Variants in ATG7 observed in about 807,000 individuals in gnomAD.
The protein encoded by ATG7 is autophagy related 7.
In ATG7, 70 loss-of-function variants were observed where a neutral mutation model predicts 82.4. The ratio of observed to expected loss-of-function variants is 0.85; its 90% confidence interval spans 0.70 to 1.04. The LOEUF (loss-of-function observed/expected upper bound fraction) is 1.04, where lower values mean the gene tolerates loss of function less well. ATG7 is among the 50% of genes least tolerant of loss of function. The probability of loss-of-function intolerance (pLI) is 0.00; values close to 1 mark genes in which losing one functional copy is unlikely to be tolerated. For missense variants in ATG7, 792 were observed against 864.3 expected (o/e 0.92, Z 1.05); for synonymous variants, 287 against 313.0 (o/e 0.92, Z 0.88).
chr3:11,336,972 C>T (rs1559420793), intron 11 of ATG7, among the ~76,000 whole-genome samples: 2 of 152,118 alleles, frequency 1.3e-5, no homozygotes, highest in Non-Finnish European at 2.9e-5. Context: ...CTTGCGCAGT[C>T]GAGGAGTATT....
chr3:11,363,554 C>T (rs1437622127), intron 17 of ATG7, among the ~76,000 whole-genome samples: 2 of 152,160 alleles, frequency 1.3e-5, no homozygotes, highest in African/African-American at 4.8e-5. Flanking sequence ...ACCCGGCCTC[C>T]TTTAATCTTC....
intron 6 of ATG7, among the ~76,000 whole-genome samples, chr3:11,308,172 C>T (rs1319152033): frequency 6.6e-6 from 1 of 152,216 alleles, no homozygotes; most frequent in African/African-American, 2.4e-5. Context: ...GAACTTACTT[C>T]TGCTTACTTA....
chr3:11,378,758 A>G (rs913772945), intron 18 of ATG7, among the ~76,000 whole-genome samples: 2 of 150,850 alleles, frequency 1.3e-5, no homozygotes, highest in Non-Finnish European at 2.9e-5. Context: ...AGAGAGAAGT[A>G]TGCACAAACA....
rs563140155 is a variant in ATG7 at position 11,480,593 on chromosome 3, C to T, written c.2079+53667C>T. On this transcript the variant is annotated intron_variant, in intron 20 of 20. Coordinates refer to ENST00000693202, the MANE Select transcript of ATG7 (RefSeq NM_001349232.2). ...TCAAGAAACAGACAAAAAAACCTTA[C>T]AATCTGTGCTCACTGGTTTCCTCGA... is the stretch of plus-strand genomic sequence containing the variant. Among the ~76,000 whole-genome samples the T allele has an allele frequency of 2.0e-5, 3 of 152,272 alleles. No individual in the cohort carries two copies. The South Asian group carries it at 6.2e-4, about 32-fold the overall frequency.
At position 11,554,957 on chromosome 3, in the gene ATG7, C is replaced by G; in HGVS notation, c.*114C>G. ...TGATTCTGGGCCCCTCCTCCATACC[C>G]CGAGGTCTGGGATTCCCCCCTCTGC... On this transcript the variant is annotated 3_prime_UTR_variant, in exon 21 of 21. Transcript: ENST00000693202. The G allele has an allele frequency of 7.4e-7, 1 of 1,356,428 alleles. No individual in the cohort carries two copies. The highest frequency in any genetic ancestry group is 9.9e-7 in the Non-Finnish European group (1 of 1,005,918). 84.0% of individuals were successfully genotyped at this position (1,356,428 alleles called of 1,614,324 possible). A position where few individuals can be genotyped will look rare whatever the true frequency, so the allele number is the denominator to read the frequency against.
intron 20 of ATG7, among the ~76,000 whole-genome samples, chr3:11,482,504 G>C (rs1209036999): frequency 2.0e-5 from 3 of 152,086 alleles, no homozygotes; most frequent in Non-Finnish European, 2.9e-5. Flanking sequence ...TTGTATCTGG[G>C]GGCTGTCACC....
chr3:11,544,228 G>A (rs1352799360), intron 20 of ATG7, among the ~76,000 whole-genome samples: 2 of 152,312 alleles, frequency 1.3e-5, no homozygotes, highest in Admixed American at 1.3e-4. Context: ...CTCCGGGCAG[G>A]AATCTGGGAG....
At chr3:11,571,615 C>T in the ATG7 span, among the ~76,000 whole-genome samples, 1 of 152,118 alleles carries the variant, frequency 6.6e-6, no homozygotes, top group Non-Finnish European at 1.5e-5. Context: ...TACAGTGAGC[C>T]ATGACAGAGC....
Position 11,298,703 on chromosome 3 carries a change from C to T in ATG7, c.8C>T (p.Ala3Val). The T allele has an allele frequency of 6.2e-7, 1 of 1,613,000 alleles. No individual in the cohort carries two copies. ...TTTAATAGGCAAGAAATAATGGCGG[C>T]AGCTACGGGGGATCCTGGACTCTCT... MAAATGDPGLSKL... is the reference protein window; with the variant it reads MAVATGDPGLSKL... The change falls in exon 4 of 21, where the codon GCA becomes GTA. Residue 3 changes from alanine (A) to valine (V), a missense_variant. Physicochemically the swap from Ala to Val is moderately conservative, Grantham distance 64. Transcript: ENST00000693202.
At chr3:11,434,974 G>A (rs2083244356) in intron 20 of ATG7, among the ~76,000 whole-genome samples, 1 of 152,086 alleles carries the variant, frequency 6.6e-6, no homozygotes, top group African/African-American at 2.4e-5. Flanking sequence ...CTTAAAATGA[G>A]AGGATTGAAT....
intron 19 of ATG7, among the ~76,000 whole-genome samples, chr3:11,393,111 G>A (rs574970289): frequency 5.3e-5 from 8 of 152,272 alleles, no homozygotes; most frequent in Admixed American, 5.2e-4. Context: ...CCAGACCCAG[G>A]ACCAGAGTGC....
intron 20 of ATG7, among the ~76,000 whole-genome samples, chr3:11,474,708 G>T (rs953686080): frequency 4.6e-5 from 7 of 152,240 alleles, no homozygotes; most frequent in Non-Finnish European, 1.0e-4. Context: ...CAGGTTGTCA[G>T]TAAAGGTCCC....
intron 15 of ATG7, 123 bp downstream of exon 15, chr3:11,358,735 C>A: frequency 9.9e-7 from 1 of 1,013,792 alleles, no homozygotes; most frequent in Non-Finnish European, 1.4e-6. Context: ...AGCATAGTGC[C>A]AAAGGGCTTC....
At chr3:11,321,152 A>G (rs1358409385) in intron 9 of ATG7, among the ~76,000 whole-genome samples, 5 of 152,218 alleles carry the variant, frequency 3.3e-5, no homozygotes, top group Non-Finnish European at 5.9e-5. Context: ...TCTGCGTCTA[A>G]TGTCAGAGAC....
intron 19 of ATG7, among the ~76,000 whole-genome samples, chr3:11,396,956 A>G (rs1371743574): frequency 2.0e-5 from 3 of 151,960 alleles, no homozygotes; most frequent in Non-Finnish European, 4.4e-5. Context: ...CTAAACAGTA[A>G]ACAAATAGAA....
At chr3:11,307,322 A>C (rs1216972447) in intron 6 of ATG7, among the ~76,000 whole-genome samples, 1 of 152,206 alleles carries the variant, frequency 6.6e-6, no homozygotes, top group Admixed American at 6.5e-5. Context: ...TTAAGTAATC[A>C]GTTTGCTGCT....
chr3:11,422,363 G>A (rs547836644), intron 19 of ATG7, among the ~76,000 whole-genome samples: 5 of 152,216 alleles, frequency 3.3e-5, no homozygotes, highest in East Asian at 1.9e-4. Flanking sequence ...TTGCTGCTTC[G>A]CCTCTCACTT....
rs1310293997 is a variant in ATG7, at chr3:11,556,905, T to C, written c.*2062T>C. On this transcript the variant is annotated 3_prime_UTR_variant, in exon 21 of 21. Coordinates refer to ENST00000693202, the MANE Select transcript of ATG7 (RefSeq NM_001349232.2). ...AGAAGGGCTTTTCTTTCCTCCACTTTTCAAAGGCCTGCAGCCACTCTGTGA... is the reference window on the plus strand; with the variant it reads ...AGAAGGGCTTTTCTTTCCTCCACTTCTCAAAGGCCTGCAGCCACTCTGTGA... The C allele has an allele frequency of 1.3e-5, 2 of 152,894 alleles. No individual in the cohort carries two copies. The highest frequency in any genetic ancestry group is 2.1e-4 in the South Asian group (1 of 4,826). 9.5% of individuals were successfully genotyped at this position (152,894 alleles called of 1,614,324 possible). A position where few individuals can be genotyped will look rare whatever the true frequency, so the allele number is the denominator to read the frequency against.
chr3:11,476,531 A>G (rs751954457), intron 20 of ATG7, among the ~76,000 whole-genome samples: 12 of 151,920 alleles, frequency 7.9e-5, no homozygotes, highest in Non-Finnish European at 1.8e-4. Flanking sequence ...TCCCAGAGAT[A>G]GAGTCCTGGC....
Sources: allele counts gnomAD v4.1 joint callset (sites outside exome capture counted in the v4.1 genomes callset), GRCh38; gene constraint gnomAD v4.1.1; transcripts MANE v1.5; gene names NCBI Gene and HGNC (gene_info 2026-07-23, HGNC 2026-07-21).